The following RCOR1 variants were observed in gnomAD, a reference collection of about 807,000 sequenced individuals.
The protein encoded by RCOR1 is REST corepressor 1, also known as REST corepressor.
RCOR1 carries 12 observed loss-of-function variants against 64.0 expected under a neutral mutation model. The observed-to-expected ratio is 0.19, with a 90% CI of 0.12 to 0.30. The LOEUF (loss-of-function observed/expected upper bound fraction) is 0.30. RCOR1 is among the 10% of genes least tolerant of loss of function. The pLI, the probability that RCOR1 is intolerant of heterozygous loss-of-function variation, is 1.00. For missense variants in RCOR1, 502 were observed against 621.2 expected (o/e 0.81, Z 2.04); for synonymous variants, 279 against 227.2 (o/e 1.23, Z -2.05).
intron 2 of RCOR1, chr14:102,650,975 A>T: frequency 1.2e-6 from 1 of 832,360 alleles, no homozygotes; most frequent in Middle Eastern, 6.2e-4. Flanking sequence ...TGAGACTTAG[A>T]CTCATAATAG....
chr14:102,679,423 T>A (rs527603178), intron 2 of RCOR1, among the ~76,000 whole-genome samples: 1 of 152,298 alleles, frequency 6.6e-6, no homozygotes, highest in African/African-American at 2.4e-5. Flanking sequence ...TGGAAAATCA[T>A]TTGATCCTGT....
intron 3 of RCOR1, among the ~76,000 whole-genome samples, chr14:102,696,571 A>G (rs1248167990): frequency 6.6e-6 from 1 of 152,166 alleles, no homozygotes; most frequent in Non-Finnish European, 1.5e-5. Context: ...GACTTTGCTC[A>G]TTGTCCTGAT....
chr14:102,607,370 A>G (rs1467571020), intron 2 of RCOR1, among the ~76,000 whole-genome samples: 7 of 152,146 alleles, frequency 4.6e-5, no homozygotes, highest in Non-Finnish European at 1.0e-4. Flanking sequence ...CTTATAATGA[A>G]TTTGTATAAA....
intron 4 of RCOR1, among the ~76,000 whole-genome samples, chr14:102,706,114 C>CAAAAAAAA (rs71119732): frequency 0.013 from 269 of 21,336 alleles, 20 homozygotes; most frequent in East Asian, 0.035. Flanking sequence ...AACCCTGTCT[C>CAAAAAAAA]AAAAAAAAAA....
At chr14:102,677,601 TGGGCGGCC>T (rs1301172148) in intron 2 of RCOR1, among the ~76,000 whole-genome samples, 1 of 95,716 alleles carries the variant, frequency 1.0e-5, no homozygotes, top group African/African-American at 4.4e-5. Context: ...TCTCAGACGA[TGGGCGGCC>T]GGGCAGAGAC....
chr14:102,721,448 T>C, intron 10 of RCOR1, 71 bp downstream of exon 10: 2 of 1,178,670 alleles, frequency 1.7e-6, no homozygotes, highest in South Asian at 2.6e-5. Flanking sequence ...CCCAACATTT[T>C]GGAAGGTTGA....
At chr14:102,678,220 C>CGAGAGGGAGAGGGAGAGG (rs113468250) in intron 2 of RCOR1, among the ~76,000 whole-genome samples, 10 of 150,834 alleles carry the variant, frequency 6.6e-5, no homozygotes, top group Non-Finnish European at 1.2e-4. Flanking sequence ...GAGAGGGAGA[C>CGAGAGGGAGAGGGAGAGG]GAGAGGGAGA....
chr14:102,664,505 A>G (rs1459703339), intron 2 of RCOR1, among the ~76,000 whole-genome samples: 3 of 152,148 alleles, frequency 2.0e-5, no homozygotes, highest in Non-Finnish European at 4.4e-5. Flanking sequence ...TTCCCATGGG[A>G]ATAGAGTTTA....
chr14:102,652,132 TG>T (rs1485259142), intron 2 of RCOR1, among the ~76,000 whole-genome samples: 4 of 152,372 alleles, frequency 2.6e-5, no homozygotes, highest in East Asian at 3.9e-4. Flanking sequence ...GTGTTTGGAT[TG>T]ATTATTTTAA....
At chr14:102,676,506 G>A (rs1207399754) in intron 2 of RCOR1, among the ~76,000 whole-genome samples, 1 of 33,612 alleles carries the variant, frequency 3.0e-5, no homozygotes. Flanking sequence ...GCGGCTGGCC[G>A]ACCCCCCCCC....
chr14:102,634,158 A>G (rs775159404), intron 2 of RCOR1, among the ~76,000 whole-genome samples: 1 of 152,076 alleles, frequency 6.6e-6, no homozygotes, highest in African/African-American at 2.4e-5. Flanking sequence ...GGTGGTGTCA[A>G]TGAAAATTCT....
intron 2 of RCOR1, among the ~76,000 whole-genome samples, chr14:102,672,054 C>T (rs1895041575): frequency 6.6e-6 from 1 of 152,124 alleles, no homozygotes; most frequent in African/African-American, 2.4e-5. Flanking sequence ...AGACATACTG[C>T]ATTTTTTTAT....
At chr14:102,718,602 T>TA (rs1048082180) in intron 8 of RCOR1, among the ~76,000 whole-genome samples, 1 of 152,170 alleles carries the variant, frequency 6.6e-6, no homozygotes, top group African/African-American at 2.4e-5. Context: ...GGGTGGTGTC[T>TA]AGGTAGGGCG....
chr14:102,698,039 G>C (rs1267554178), intron 3 of RCOR1, among the ~76,000 whole-genome samples: 1 of 152,146 alleles, frequency 6.6e-6, no homozygotes, highest in Non-Finnish European at 1.5e-5. Flanking sequence ...AAATCCAAAA[G>C]TTACATGACT....
chr14:102,605,465 T>G (rs756375098), intron 2 of RCOR1, among the ~76,000 whole-genome samples: 7 of 152,178 alleles, frequency 4.6e-5, no homozygotes, highest in Non-Finnish European at 8.8e-5. Context: ...CCCATAAGAT[T>G]ATAATGGAAC....
At chr14:102,658,038 G>A (rs1224833738) in intron 2 of RCOR1, 4 of 707,576 alleles carry the variant, frequency 5.7e-6, no homozygotes, top group African/African-American at 3.9e-5. Context: ...GCAGTGGCAT[G>A]ATCTCGGCTC....
chr14:102,668,977 A>C (rs1007637341), intron 2 of RCOR1, among the ~76,000 whole-genome samples: 11 of 152,200 alleles, frequency 7.2e-5, no homozygotes, highest in African/African-American at 2.7e-4. Flanking sequence ...TTAAACTTTC[A>C]GCATTTAAAA....
intron 2 of RCOR1, among the ~76,000 whole-genome samples, chr14:102,618,455 A>G (rs1231418818): frequency 1.3e-5 from 2 of 151,956 alleles, no homozygotes; most frequent in South Asian, 2.1e-4. Context: ...TCAGGGGGAA[A>G]AAAAAAGCGC....
intron 2 of RCOR1, among the ~76,000 whole-genome samples, chr14:102,667,884 G>C (rs139356428): frequency 3.3e-5 from 5 of 152,158 alleles, no homozygotes; most frequent in African/African-American, 1.2e-4. Context: ...ATAGTGGGAA[G>C]GGTGAATGAG....
Sources: allele counts gnomAD v4.1 joint callset (sites outside exome capture counted in the v4.1 genomes callset), GRCh38; gene constraint gnomAD v4.1.1; transcripts MANE v1.5; gene names NCBI Gene and HGNC (gene_info 2026-07-23, HGNC 2026-07-21).